The following EMC2 variants were observed in gnomAD, a reference collection of about 807,000 sequenced individuals.
EMC2 encodes the protein TPR repeat protein 35.
EMC2 carries 37 observed loss-of-function variants against 51.6 expected under a neutral mutation model. That is an observed-to-expected ratio of 0.72 (90% CI 0.55 to 0.94). The LOEUF (loss-of-function observed/expected upper bound fraction) is 0.94, where lower values mean the gene tolerates loss of function less well. Ranked by LOEUF, EMC2 falls within the 40% of genes least tolerant of loss-of-function variation. The pLI is 0.00. For synonymous variants in EMC2, 131 were observed against 112.4 expected (o/e 1.17, Z -1.04); for missense variants, 359 against 350.9 (o/e 1.02, Z -0.18).
chr8:108,475,443 A>G (rs1810930246), intron 7 of EMC2: 1 of 152,708 alleles, frequency 6.5e-6, no homozygotes, highest in Non-Finnish European at 1.5e-5. Context: ...ATGCCTGTGA[A>G]GAATTTTTAG....
At chr8:108,449,650 C>T (rs889547689) in intron 1 of EMC2, among the ~76,000 whole-genome samples, 173 bp from the exon 2 acceptor site, 2 of 152,282 alleles carry the variant, frequency 1.3e-5, no homozygotes, top group Non-Finnish European at 1.5e-5. Context: ...TGCCCTTGTT[C>T]AATTAATTTT....
intron 5 of EMC2, among the ~76,000 whole-genome samples, chr8:108,458,313 C>T (rs1819217541): frequency 2.6e-5 from 4 of 152,202 alleles, no homozygotes; most frequent in South Asian, 2.1e-4. Context: ...TGGCCCTTTT[C>T]TCACAGCTCC....
chr8:108,480,480 A>G (rs1023118366), intron 10 of EMC2, among the ~76,000 whole-genome samples: 4 of 152,114 alleles, frequency 2.6e-5, no homozygotes, highest in Non-Finnish European at 4.4e-5. Context: ...AGAACTGAGT[A>G]TGAATGGCCA....
At chr8:108,485,354 T>C (rs1380338854) in intron 10 of EMC2, among the ~76,000 whole-genome samples, 1 of 149,780 alleles carries the variant, frequency 6.7e-6, no homozygotes, top group Non-Finnish European at 1.5e-5. Flanking sequence ...AAACACTAGA[T>C]GTTGCTAATA....
intron 10 of EMC2, among the ~76,000 whole-genome samples, chr8:108,484,670 C>T (rs920645604): frequency 6.6e-6 from 1 of 151,922 alleles, no homozygotes. Flanking sequence ...CTGTACCCCT[C>T]CCCCAACCCA....
At chr8:108,472,302 T>C (rs986164221) in intron 7 of EMC2, among the ~76,000 whole-genome samples, 5 of 151,970 alleles carry the variant, frequency 3.3e-5, no homozygotes, top group African/African-American at 9.7e-5. Flanking sequence ...TTTTTCACCA[T>C]GTGGTACCAC....
chr8:108,472,789 T>G (rs1270635717), intron 7 of EMC2, among the ~76,000 whole-genome samples: 1 of 152,058 alleles, frequency 6.6e-6, no homozygotes, highest in Non-Finnish European at 1.5e-5. Context: ...GTCAGATATA[T>G]TTAACATTCG....
Position 108,486,764 on chromosome 8 carries a change from T to G in EMC2, c.*166T>G, listed in dbSNP as rs1438418197. ...ATATAAACCTAAAAATGCCTTTTAC[T>G]GCTAAGTGGGGAGATGGGGGAAATC... is the stretch of plus-strand genomic sequence containing the variant. On this transcript the variant is annotated 3_prime_UTR_variant, in exon 11 of 11. Transcript: ENST00000220853. 6.5e-6 allele frequency: 4 copies of G among 617,772 alleles called. No homozygotes were observed. The highest frequency in any genetic ancestry group is 5.0e-6 in the Non-Finnish European group (2 of 397,716). The allele number at this position is 617,772 out of a possible 1,614,324, so 38.3% of individuals were successfully genotyped here. A position where few individuals can be genotyped will look rare whatever the true frequency, so the allele number is the denominator to read the frequency against.
intron 5 of EMC2, among the ~76,000 whole-genome samples, chr8:108,462,524 G>T (rs1196586222): frequency 6.6e-6 from 1 of 152,066 alleles, no homozygotes; most frequent in East Asian, 1.9e-4. Flanking sequence ...GAGGTCCATG[G>T]ATTTTAAATT....
At chr8:108,482,186 C>T (rs1426608274) in intron 10 of EMC2, among the ~76,000 whole-genome samples, 3 of 152,172 alleles carry the variant, frequency 2.0e-5, no homozygotes, top group African/African-American at 7.2e-5. Flanking sequence ...TAATTACAGC[C>T]ATTCTGGTAC....
At chr8:108,481,743 C>T (rs1811047888) in intron 10 of EMC2, among the ~76,000 whole-genome samples, 1 of 152,056 alleles carries the variant, frequency 6.6e-6, no homozygotes, top group Admixed American at 6.6e-5. Context: ...CTCTTAATTT[C>T]TCCTTTTGTA....
chr8:108,479,119 T>G lies in EMC2; in HGVS notation c.807+9T>G. 1 of 1,459,038 alleles carries G rather than the reference T, an allele frequency of 6.9e-7. No individual in the cohort carries two copies. Among genetic ancestry groups the G allele is most frequent in the Non-Finnish European group, 9.3e-7 (1 of 1,078,150 alleles). 90.4% of individuals were successfully genotyped at this position (1,459,038 alleles called of 1,614,324 possible). ...TAAACAGAGCTTATCAGGTTAGTAT[T>G]TATTGATCATTTTGCTATGTAGGTC... On this transcript the variant is annotated intron_variant, in intron 10 of 10. Transcript: ENST00000220853.
chr8:108,455,463 C>G (rs2130349632), intron 4 of EMC2, among the ~76,000 whole-genome samples: 1 of 152,152 alleles, frequency 6.6e-6, no homozygotes, highest in Admixed American at 6.5e-5. Flanking sequence ...ATCCTGTTTA[C>G]TTTTTCCATT....
chr8:108,477,804 A>G (rs1810974366), intron 9 of EMC2, among the ~76,000 whole-genome samples: 1 of 152,214 alleles, frequency 6.6e-6, no homozygotes, highest in South Asian at 2.1e-4. Flanking sequence ...TAGCTTATAC[A>G]TGGCACTTCA....
chr8:108,448,636 C>T (rs1335504043), intron 1 of EMC2, among the ~76,000 whole-genome samples: 15 of 152,260 alleles, frequency 9.9e-5, no homozygotes, highest in Admixed American at 3.3e-4. Context: ...TCCCCAGCCA[C>T]GTGGAACTGC....
chr8:108,468,392 A>T (rs1471037862), intron 5 of EMC2, among the ~76,000 whole-genome samples: 4 of 152,242 alleles, frequency 2.6e-5, no homozygotes, highest in Non-Finnish European at 4.4e-5. Context: ...CTACTATGTG[A>T]CAGGCATTGT....
intron 3 of EMC2, among the ~76,000 whole-genome samples, chr8:108,452,696 A>G (rs181899284): frequency 6.6e-6 from 1 of 152,212 alleles, no homozygotes; most frequent in African/African-American, 2.4e-5. Flanking sequence ...GAGAATGCTT[A>G]TGCTGTAATT....
At chr8:108,458,752 A>G (rs10464818) in intron 5 of EMC2, among the ~76,000 whole-genome samples, 78,537 of 151,974 alleles carry the variant, frequency 0.52, 20,687 homozygotes, top group Middle Eastern at 0.61. Context: ...GACCTCTGAC[A>G]TGCCCTGGAG....
At chr8:108,446,285 A>C in intron 1 of EMC2, 1 of 434,026 alleles carries the variant, frequency 2.3e-6, no homozygotes, top group Non-Finnish European at 4.6e-6. Flanking sequence ...GTCATACACT[A>C]TACTGCCTCA....
Sources: allele counts gnomAD v4.1 joint callset (sites outside exome capture counted in the v4.1 genomes callset), GRCh38; gene constraint gnomAD v4.1.1; transcripts MANE v1.5; gene names NCBI Gene and HGNC (gene_info 2026-07-23, HGNC 2026-07-21).